Variants in ITPR2 observed in about 807,000 individuals in gnomAD.
ITPR2 encodes the protein inositol 1,4,5-trisphosphate-gated calcium channel ITPR2.
ITPR2 carries 207 observed loss-of-function variants against 317.1 expected under a neutral mutation model. That is an observed-to-expected ratio of 0.65 (90% CI 0.58 to 0.73). The LOEUF is 0.73. Among genes scored for constraint, ITPR2 ranks in the 30% least tolerant of loss-of-function variants. The pLI, the probability that ITPR2 is intolerant of heterozygous loss-of-function variation, is 0.00. For synonymous variants in ITPR2, 1,156 were observed against 1,149.1 expected, an observed-to-expected ratio of 1.01 and a Z score of -0.12; for missense variants, 2,613 against 3,284.0, an observed-to-expected ratio of 0.80 and a Z score of 4.99.
intron 45 of ITPR2, among the ~76,000 whole-genome samples, chr12:26,468,112 G>A (rs1325271412): frequency 6.6e-6 from 1 of 152,114 alleles, no homozygotes; most frequent in Non-Finnish European, 1.5e-5. Context: ...ACAAATGTAA[G>A]AATTCAAAAC....
At position 26,622,390 on chromosome 12, in the gene ITPR2, T is replaced by A. The variant is rs1210756159; in HGVS notation, c.3138A>T (p.Pro1046=). 6.2e-7 allele frequency: 1 copy of A among 1,601,816 alleles called. No homozygotes were observed. The highest frequency in any genetic ancestry group is 1.4e-5 in the African/African-American group (1 of 74,066). ...TMFAGRKEKN[P]VQLDDEGGRT... is the part of the protein sequence containing the mutation. ...TGCCTCCTTCATCGTCAAGTTGAACTGGATTTTTTTCTTTTCTATAAAACC... is the reference window on the plus strand; with the variant it reads ...TGCCTCCTTCATCGTCAAGTTGAACAGGATTTTTTTCTTTTCTATAAAACC... The change falls in exon 25 of 57, where the codon CCA becomes CCT. Residue 1046 remains proline (P), a synonymous_variant. Coordinates refer to ENST00000381340, the MANE Select transcript of ITPR2 (RefSeq NM_002223.4).
chr12:26,455,447 A>T (rs78864532), intron 45 of ITPR2, among the ~76,000 whole-genome samples: 2,235 of 152,066 alleles, frequency 0.015, 58 homozygotes, highest in African/African-American at 0.051. Flanking sequence ...TCAAAGGCAA[A>T]CCTAATAAAG....
intron 55 of ITPR2, among the ~76,000 whole-genome samples, chr12:26,365,107 C>G (rs1239492588): frequency 2.0e-5 from 3 of 152,156 alleles, no homozygotes; most frequent in Non-Finnish European, 4.4e-5. Flanking sequence ...AGGTAGAACA[C>G]AGAAGGGAGT....
At chr12:26,419,504 T>C (rs758900129) in intron 49 of ITPR2, 6 of 246,172 alleles carry the variant, frequency 2.4e-5, no homozygotes, top group Non-Finnish European at 4.8e-5. Context: ...TAAGAGACTA[T>C]GCAATCAAGA....
chr12:26,506,234 T>C (rs1439215765), intron 37 of ITPR2, among the ~76,000 whole-genome samples: 1 of 150,088 alleles, frequency 6.7e-6, no homozygotes, highest in African/African-American at 2.4e-5. Flanking sequence ...ATTAGCCTGG[T>C]GTGATAACAT....
chr12:26,726,630 G>A (rs1246093831), intron 2 of ITPR2, among the ~76,000 whole-genome samples: 2 of 152,096 alleles, frequency 1.3e-5, no homozygotes, highest in African/African-American at 4.8e-5. Flanking sequence ...TTTGACTGAT[G>A]TGTTGATATT....
chr12:26,674,763 C>T (rs1298992525), intron 13 of ITPR2, among the ~76,000 whole-genome samples: 1 of 152,004 alleles, frequency 6.6e-6, no homozygotes. Context: ...ACAGGCAACC[C>T]ACAAAATGGG....
At position 26,509,005 on chromosome 12, in the gene ITPR2, C is replaced by T. The variant is rs149929975; in HGVS notation, c.5074-13745G>A. 3.7e-3 allele frequency among the ~76,000 whole-genome samples: 563 copies of T among 152,274 alleles called. 1 individual carries two copies. Among genetic ancestry groups the T allele is most frequent in the Non-Finnish European group, 6.3e-3 (426 of 68,026 alleles). ...AATCCAAATGTCCACCAAATGATGACTGGATAAACACAATGTGGTATATGC... is the reference window on the plus strand; with the variant it reads ...AATCCAAATGTCCACCAAATGATGATTGGATAAACACAATGTGGTATATGC... On this transcript the variant is annotated intron_variant, in intron 37 of 56. Transcript: ENST00000381340.
intron 21 of ITPR2, among the ~76,000 whole-genome samples, chr12:26,651,628 A>C (rs1404840422): frequency 6.6e-6 from 1 of 152,190 alleles, no homozygotes; most frequent in Non-Finnish European, 1.5e-5. Flanking sequence ...TTCAGAGAGG[A>C]ATTTCCATCC....
intron 1 of ITPR2, among the ~76,000 whole-genome samples, chr12:26,812,578 CA>C (rs55963046): frequency 6.1e-5 from 9 of 147,608 alleles, no homozygotes; most frequent in Non-Finnish European, 9.0e-5. Context: ...GACTCCGTCT[CA>C]AAAAAAAAAC....
intron 15 of ITPR2, among the ~76,000 whole-genome samples, chr12:26,661,297 A>G (rs1337764176): frequency 1.6e-3 from 101 of 63,194 alleles, no homozygotes; most frequent in Middle Eastern, 0.01. Flanking sequence ...GGTGGGAGGG[A>G]ACGGGCACGT....
chr12:26,517,349 A>C (rs1231530085), intron 37 of ITPR2, among the ~76,000 whole-genome samples: 1 of 152,204 alleles, frequency 6.6e-6, no homozygotes, highest in Non-Finnish European at 1.5e-5. Context: ...CAAAATTAAC[A>C]AGCAAAAAGC....
At chr12:26,407,955 T>A (rs930487948) in intron 52 of ITPR2, among the ~76,000 whole-genome samples, 3 of 152,200 alleles carry the variant, frequency 2.0e-5, no homozygotes, top group African/African-American at 7.2e-5. Flanking sequence ...AGATGTTCCA[T>A]GTGGCCAGAA....
At chr12:26,501,797 GA>G (rs1403783896) in intron 37 of ITPR2, among the ~76,000 whole-genome samples, 1 of 152,184 alleles carries the variant, frequency 6.6e-6, no homozygotes, top group African/African-American at 2.4e-5. Flanking sequence ...TCAGGAAGTA[GA>G]AAAGTGGATG....
At chr12:26,814,193 C>A (rs1014435384) in intron 1 of ITPR2, among the ~76,000 whole-genome samples, 1 of 152,176 alleles carries the variant, frequency 6.6e-6, no homozygotes, top group Admixed American at 6.5e-5. Context: ...AAACAAAACA[C>A]CTGCGCAAGG....
At chr12:26,486,512 G>T in intron 40 of ITPR2, 152 bp from the exon 41 acceptor site, 1 of 706,170 alleles carries the variant, frequency 1.4e-6, no homozygotes, top group Non-Finnish European at 2.3e-6. Flanking sequence ...ATTTGAGAGA[G>T]CACTTAAAAA....
At chr12:26,658,814 G>C (rs983883797) in intron 16 of ITPR2, among the ~76,000 whole-genome samples, 1 of 152,184 alleles carries the variant, frequency 6.6e-6, no homozygotes, top group Non-Finnish European at 1.5e-5. Context: ...TCTCATACAA[G>C]TGTGCAAGGA....
chr12:26,505,285 G>C (rs1943159134), intron 37 of ITPR2, among the ~76,000 whole-genome samples: 1 of 152,008 alleles, frequency 6.6e-6, no homozygotes, highest in African/African-American at 2.4e-5. Context: ...ATTACTTTAG[G>C]GGATGATACA....
Position 26,599,184 on chromosome 12 carries a change from A to G in ITPR2, c.3963T>C (p.Gly1321=), listed in dbSNP as rs1167708860. 11 of 1,614,120 alleles carry G rather than the reference A, an allele frequency of 6.8e-6. No individual in the cohort carries two copies. Among genetic ancestry groups the G allele is most frequent in the Non-Finnish European group, 9.3e-6 (11 of 1,179,952 alleles). ...RFLQTIVKAD[G]KYVKKCQDMV... Reference sequence around the variant, plus strand: ...TATCCTGGCATTTCTTCACATATTTACCATCTGCTTTTACAATTGTTTGCA... The same window carrying G: ...TATCCTGGCATTTCTTCACATATTTGCCATCTGCTTTTACAATTGTTTGCA... Residue 1321 remains glycine, a synonymous_variant, in exon 30 of 57, where the codon GGT becomes GGC. Transcript: ENST00000381340.
Sources: gnomAD v4.1 joint callset for allele counts (sites outside exome capture counted in the v4.1 genomes callset) on GRCh38, gnomAD v4.1.1 for gene constraint, MANE v1.5 for transcripts, NCBI Gene and HGNC (gene_info 2026-07-23, HGNC 2026-07-21) for gene names.